PGM5: variants seen among roughly 807,000 people sequenced by gnomAD.
PGM5 encodes phosphoglucomutase-like protein 5.
In PGM5, 23 loss-of-function variants were observed where a neutral mutation model predicts 59.2. The observed-to-expected ratio is 0.39, with a 90% CI of 0.28 to 0.55. The LOEUF (loss-of-function observed/expected upper bound fraction) is 0.55, where lower values mean the gene tolerates loss of function less well. PGM5 is among the 20% of genes least tolerant of loss of function. PGM5 has a pLI of 0.66. For synonymous variants in PGM5, 214 were observed against 286.0 expected, an observed-to-expected ratio of 0.75 and a Z score of 2.54; for missense variants, 574 against 748.3, an observed-to-expected ratio of 0.77 and a Z score of 2.72.
At chr9:68,404,552 A>G (rs1440949272) in intron 6 of PGM5, among the ~76,000 whole-genome samples, 4 of 152,224 alleles carry the variant, frequency 2.6e-5, no homozygotes, top group Admixed American at 2.0e-4. Flanking sequence ...CGAGCCTAGG[A>G]AAAAATGAAA....
intron 6 of PGM5, among the ~76,000 whole-genome samples, chr9:68,448,879 T>C (rs985799355): frequency 6.6e-6 from 1 of 152,202 alleles, no homozygotes; most frequent in African/African-American, 2.4e-5. Flanking sequence ...ATTGTGTCTC[T>C]CTGGGGAACC....
At chr9:68,382,929 G>T (rs1425734907) in intron 2 of PGM5, among the ~76,000 whole-genome samples, 2 of 151,964 alleles carry the variant, frequency 1.3e-5, no homozygotes, top group African/African-American at 2.4e-5. Context: ...ATAGTATGGT[G>T]CCTGGGGTGT....
At chr9:68,370,325 T>C (rs1471136835) in intron 1 of PGM5, among the ~76,000 whole-genome samples, 1 of 152,082 alleles carries the variant, frequency 6.6e-6, no homozygotes, top group East Asian at 1.9e-4. Context: ...TCACAAAGGG[T>C]AAGTCTGATT....
intron 10 of PGM5, among the ~76,000 whole-genome samples, chr9:68,501,800 A>G (rs1016531312): frequency 6.6e-5 from 10 of 152,268 alleles, no homozygotes; most frequent in African/African-American, 2.2e-4. Context: ...TGGCTTATTA[A>G]TATCTGGCTA....
intron 6 of PGM5, among the ~76,000 whole-genome samples, chr9:68,393,499 G>A (rs263802): frequency 0.012 from 1,879 of 152,092 alleles, 46 homozygotes; most frequent in African/African-American, 0.043. Context: ...TAATCCTAGA[G>A]CTTTGAGTGG....
intron 6 of PGM5, among the ~76,000 whole-genome samples, chr9:68,422,731 T>A (rs942008532): frequency 3.7e-4 from 56 of 152,222 alleles, no homozygotes; most frequent in African/African-American, 9.6e-4. Flanking sequence ...ATTAAAAAAA[T>A]TTTTTTCCCA....
chr9:68,422,104 A>T (rs945262147), intron 6 of PGM5, among the ~76,000 whole-genome samples: 1 of 152,056 alleles, frequency 6.6e-6, no homozygotes, highest in African/African-American at 2.4e-5. Flanking sequence ...TGTAAAAAAA[A>T]AAATTTAGAA....
intron 7 of PGM5, among the ~76,000 whole-genome samples, chr9:68,469,176 C>T (rs1349263145): frequency 6.6e-5 from 10 of 152,186 alleles, no homozygotes; most frequent in African/African-American, 1.7e-4. Flanking sequence ...CCTTGGCCTC[C>T]GAAAGTGCTG....
At position 68,530,114 on chromosome 9, in the gene PGM5, C is replaced by T. The variant is rs1825057320; in HGVS notation, c.*458C>T. ...ATGGAGGAGGGTTTATCTTTTCATC[C>T]TAGGTCAGGTCTACAATGGGGGAAG... On this transcript the variant is annotated 3_prime_UTR_variant, in exon 11 of 11. Coordinates refer to ENST00000396396, the MANE Select transcript of PGM5 (RefSeq NM_021965.4). The T allele has an allele frequency of 6.4e-6, 1 of 155,828 alleles. No individual in the cohort carries two copies. The highest frequency in any genetic ancestry group is 1.4e-5 in the Non-Finnish European group (1 of 70,612). 9.7% of individuals were successfully genotyped at this position (155,828 alleles called of 1,614,324 possible).
intron 10 of PGM5, among the ~76,000 whole-genome samples, chr9:68,506,187 G>A (rs116749905): frequency 0.012 from 1,793 of 152,316 alleles, 35 homozygotes; most frequent in African/African-American, 0.04. Context: ...TGTGTAAACA[G>A]ACTGTAACCT....
At chr9:68,525,135 G>A (rs1269810200) in intron 10 of PGM5, among the ~76,000 whole-genome samples, 2 of 152,022 alleles carry the variant, frequency 1.3e-5, no homozygotes, top group Admixed American at 6.5e-5. Context: ...TGGGGTTTAC[G>A]TGTATCAGAG....
intron 6 of PGM5, among the ~76,000 whole-genome samples, chr9:68,436,854 TCC>T (rs1284355915): frequency 6.6e-6 from 1 of 152,220 alleles, no homozygotes; most frequent in African/African-American, 2.4e-5. Flanking sequence ...TTTATCTGAC[TCC>T]AAGGTCCAAG....
intron 8 of PGM5, among the ~76,000 whole-genome samples, chr9:68,482,714 C>T (rs1191600804): frequency 1.3e-5 from 2 of 152,192 alleles, no homozygotes; most frequent in Non-Finnish European, 2.9e-5. Flanking sequence ...AACAGACAGT[C>T]CTAGGTGTGC....
At chr9:68,469,452 A>G (rs1823988796) in intron 7 of PGM5, among the ~76,000 whole-genome samples, 2 of 152,194 alleles carry the variant, frequency 1.3e-5, no homozygotes, top group Non-Finnish European at 2.9e-5. Context: ...TGGCATTAGC[A>G]TGAGTTGTCC....
intron 6 of PGM5, among the ~76,000 whole-genome samples, chr9:68,451,488 G>A (rs538600785): frequency 1.1e-4 from 17 of 152,298 alleles, no homozygotes; most frequent in Admixed American, 2.0e-4. Flanking sequence ...TTCTTTTGGA[G>A]CAAAAGTAGA....
chr9:68,423,062 T>G (rs781826109), intron 6 of PGM5, among the ~76,000 whole-genome samples: 7 of 152,238 alleles, frequency 4.6e-5, no homozygotes, highest in Non-Finnish European at 8.8e-5. Flanking sequence ...ATTCATTCCT[T>G]TTTATGGCTG....
intron 6 of PGM5, among the ~76,000 whole-genome samples, chr9:68,410,101 G>A (rs1416032830): frequency 6.6e-6 from 1 of 152,190 alleles, no homozygotes; most frequent in African/African-American, 2.4e-5. Flanking sequence ...CCAGGCAGTG[G>A]GAGCTCCGGC....
At chr9:68,422,430 TTTTTG>T (rs1328269587) in intron 6 of PGM5, among the ~76,000 whole-genome samples, 1 of 151,624 alleles carries the variant, frequency 6.6e-6, no homozygotes, top group Non-Finnish European at 1.5e-5. Context: ...GTGTGGTGGT[TTTTTG>T]TTTTGTTTTG....
At chr9:68,511,023 G>T (rs1824740474) in intron 10 of PGM5, among the ~76,000 whole-genome samples, 1 of 152,192 alleles carries the variant, frequency 6.6e-6, no homozygotes, top group African/African-American at 2.4e-5. Context: ...CCTCTAAGTA[G>T]CAGGCTTCAG....
Sources: gnomAD v4.1 joint callset for allele counts (sites outside exome capture counted in the v4.1 genomes callset) on GRCh38, gnomAD v4.1.1 for gene constraint, MANE v1.5 for transcripts, NCBI Gene and HGNC (gene_info 2026-07-23, HGNC 2026-07-21) for gene names.